DEAF1: variants seen among roughly 807,000 people sequenced by gnomAD.
DEAF1 encodes DEAF1 transcription factor.
In DEAF1, 53 loss-of-function variants were observed where a neutral mutation model predicts 58.9. The ratio of observed to expected loss-of-function variants is 0.90; its 90% CI spans 0.72 to 1.13. The LOEUF (loss-of-function observed/expected upper bound fraction) is 1.13. Among genes scored for constraint, DEAF1 ranks in the 50% most tolerant of loss-of-function variants. DEAF1 has a pLI of 0.00. For missense variants in DEAF1, 685 were observed against 791.4 expected (o/e 0.87, Z 1.61); for synonymous variants, 385 against 340.4 (o/e 1.13, Z -1.44).
intron 6 of DEAF1, 111 bp from the exon 7 acceptor site, chr11:681,200 A>G (rs1308745752): frequency 4.1e-6 from 6 of 1,462,666 alleles, no homozygotes; most frequent in Non-Finnish European, 5.7e-6. Context: ...ACATGGTGAG[A>G]CCACATTAAG....
chr11:678,826 T>C lies in DEAF1; in HGVS notation c.1127-4A>G. On this transcript the variant is annotated splice_region_variant and splice_polypyrimidine_tract_variant and intron_variant, in intron 8 of 11. Transcript: ENST00000382409. ...GGCTGCACGCTGGCCTCTTGGACTG[T>C]TGGGGAGAAAAAGGACAGGGAGGCT... 1 of 1,613,620 alleles carries C rather than the reference T, an allele frequency of 6.2e-7. No homozygotes were observed. The highest frequency in any genetic ancestry group is 8.5e-7 in the Non-Finnish European group (1 of 1,179,714).
upstream of DEAF1, chr11:698,850 C>T (rs760387386): frequency 1.1e-5 from 17 of 1,614,022 alleles, no homozygotes; most frequent in Middle Eastern, 1.6e-4. Flanking sequence ...GCCTTGCTCA[C>T]GGCCCCTTTC....
chr11:661,397 G>T (rs1366209940), intron 10 of DEAF1, among the ~76,000 whole-genome samples: 1 of 151,242 alleles, frequency 6.6e-6, no homozygotes, highest in Non-Finnish European at 1.5e-5. Flanking sequence ...GGCTACATTT[G>T]ATTTTTTTTT....
intron 9 of DEAF1, among the ~76,000 whole-genome samples, chr11:677,139 T>C (rs540908360): frequency 3.8e-4 from 58 of 151,528 alleles, no homozygotes; most frequent in South Asian, 1.7e-3. Context: ...TTTTTTTTTT[T>C]CCAGTTAATA....
At position 703,070 on chromosome 11, in the gene DEAF1, G is replaced by A. The variant is rs372677189; in HGVS notation, c.-438+3502C>T. On this transcript the variant is annotated intron_variant, in intron 1 of 11. Transcript: ENST00000683307. Reference sequence around the variant, plus strand: ...GGCCCTAGTGTTGTGGGCGGACTGGGCCCTCAGCGCCACGCTCCTGGCCCT... The same window carrying A: ...GGCCCTAGTGTTGTGGGCGGACTGGACCCTCAGCGCCACGCTCCTGGCCCT... 3.1e-4 allele frequency: 505 copies of A among 1,612,540 alleles called. 1 individual carries two copies. Among genetic ancestry groups the A allele is most frequent in the Non-Finnish European group, 4.0e-4 (474 of 1,179,738 alleles).
Position 644,780 on chromosome 11 carries a change from C to G in DEAF1, c.1594-126G>C, listed in dbSNP as rs1240339390. On this transcript the variant is annotated intron_variant, in intron 11 of 11. Transcript: ENST00000382409. The surrounding 1 kb of genome is among the most constrained non-coding windows in gnomAD (Gnocchi z 4.3). ...CTCACCTGGAGGTGCTGAGAATGCC[C>G]TCCCCAGCCCCCGTGCGCCCAAACT... is the stretch of plus-strand genomic sequence containing the variant. The G allele has an allele frequency of 4.0e-6, 3 of 752,348 alleles. No homozygotes were observed. The highest frequency in any genetic ancestry group is 1.7e-5 in the African/African-American group (1 of 57,984). The allele number at this position is 752,348 out of a possible 1,614,324, so 46.6% of individuals were successfully genotyped here. A position where few individuals can be genotyped will look rare whatever the true frequency, so the allele number is the denominator to read the frequency against.
intron 1 of DEAF1, chr11:703,449 G>A: frequency 7.8e-7 from 1 of 1,280,668 alleles, no homozygotes; most frequent in Non-Finnish European, 9.8e-7. Context: ...GGCTTTAGCA[G>A]CCAGGCCTCC....
intron 6 of DEAF1, among the ~76,000 whole-genome samples, chr11:681,320 C>T (rs1047622797): frequency 2.6e-5 from 4 of 151,974 alleles, no homozygotes; most frequent in Non-Finnish European, 4.4e-5. Flanking sequence ...CTGCAACCTC[C>T]GCCTCCCAGG....
At chr11:675,406 G>A (rs1421475522) in intron 9 of DEAF1, among the ~76,000 whole-genome samples, 1 of 152,144 alleles carries the variant, frequency 6.6e-6, no homozygotes, top group African/African-American at 2.4e-5. Context: ...ACATTCACCT[G>A]TGATCCCAGC....
intron 10 of DEAF1, among the ~76,000 whole-genome samples, chr11:670,931 G>GTTTTTTTTTTTTT (rs558436376): frequency 2.2e-5 from 2 of 91,388 alleles, no homozygotes; most frequent in Admixed American, 1.4e-4. Flanking sequence ...CCTGGCTAAT[G>GTTTTTTTTTTTTT]TTTTTTTTTT....
In DEAF1 at chr11:648,474, CGT is replaced by C. The variant is rs1858605864; in HGVS notation, c.1594-3822_1594-3821del. Among the ~76,000 whole-genome samples the C allele has an allele frequency of 2.0e-5, 3 of 152,254 alleles. No individual in the cohort carries two copies. The South Asian group carries it at 6.2e-4, about 32-fold the overall frequency. ...CCTCCCAAAGTGCTGGGATTACAGG[CGT>C]GAGCCACCGTGCCCAGCTGAAGGCA... On this transcript the variant is annotated intron_variant, in intron 11 of 11. Coordinates refer to ENST00000382409, the MANE Select transcript of DEAF1 (RefSeq NM_021008.4).
chr11:682,978 A>T (rs2133389557), intron 6 of DEAF1, among the ~76,000 whole-genome samples: 1 of 152,230 alleles, frequency 6.6e-6, no homozygotes, highest in East Asian at 1.9e-4. Context: ...CACCATAGGG[A>T]GCTGGGGGCA....
chr11:693,239 T>G (rs562644592), intron 1 of DEAF1, among the ~76,000 whole-genome samples: 112 of 152,116 alleles, frequency 7.4e-4, no homozygotes, highest in Non-Finnish European at 1.1e-3. Flanking sequence ...CGTGCAAAAA[T>G]GACAAAAACC....
chr11:679,633 TGTCACAGACAGGGATATGCTGAGGACGC>T lies in DEAF1; in HGVS notation c.1126+27_1126+54del, dbSNP rs2133379967. 1.9e-6 allele frequency: 3 copies of T among 1,603,114 alleles called. No individual in the cohort carries two copies. The East Asian group carries it at 6.7e-5, about 36-fold the overall frequency. On this transcript the variant is annotated intron_variant, in intron 8 of 11. Coordinates refer to ENST00000382409, the MANE Select transcript of DEAF1 (RefSeq NM_021008.4). The stretch of plus-strand genomic sequence containing the variant: ...GCCCAATGTGGCGTCGGGGATGTGA[TGTCACAGACAGGGATATGCTGAGGACGC>T]GTCAGGCAGGCACTGGAGCAGCTCA...
At chr11:699,057 T>G, upstream of DEAF1, 1 of 776,462 alleles carries the variant, frequency 1.3e-6, no homozygotes, top group African/African-American at 1.7e-5. Flanking sequence ...CTTCCTCGGA[T>G]CAGTTCTGCT....
At chr11:650,466 A>G (rs1172638929) in intron 11 of DEAF1, among the ~76,000 whole-genome samples, 1 of 151,622 alleles carries the variant, frequency 6.6e-6, no homozygotes, top group African/African-American at 2.4e-5. Context: ...GGGAATGCTT[A>G]AGAGCCAAGG....
At chr11:694,691 T>A (rs1365166538) in intron 1 of DEAF1, 68 bp downstream of exon 1, 1 of 1,266,324 alleles carries the variant, frequency 7.9e-7, no homozygotes, top group Non-Finnish European at 1.0e-6. Flanking sequence ...GGGACAGTTG[T>A]GCGGGGCAGG....
At chr11:693,665 G>A (rs1860937001) in intron 1 of DEAF1, 1 of 152,368 alleles carries the variant, frequency 6.6e-6, no homozygotes, top group African/African-American at 2.4e-5. Flanking sequence ...GCCAGTGGGT[G>A]GGGAAGTCTA....
chr11:699,998 TAGGC>T, upstream of DEAF1: 1 of 635,104 alleles, frequency 1.6e-6, no homozygotes, highest in Non-Finnish European at 2.8e-6. Flanking sequence ...AAGCCTCAGA[TAGGC>T]AGTGAGCCAT....
Sources: gnomAD v4.1 joint callset for allele counts (sites outside exome capture counted in the v4.1 genomes callset) on GRCh38, gnomAD v4.1.1 for gene constraint, Gnocchi (gnomAD v3.1) non-coding constraint, MANE v1.5 for transcripts, NCBI Gene and HGNC (gene_info 2026-07-23, HGNC 2026-07-21) for gene names.